PXDNL: variants seen among roughly 807,000 people sequenced by gnomAD.
PXDNL encodes peroxidasin like, also known as probable oxidoreductase PXDNL.
PXDNL carries 145 observed loss-of-function variants against 150.8 expected under a neutral mutation model. That is an observed-to-expected ratio of 0.96 (90% CI 0.84 to 1.10). The LOEUF is 1.10. PXDNL is among the 50% of genes least tolerant of loss of function. The probability of loss-of-function intolerance (pLI) is 0.00; values close to 1 mark genes in which losing one functional copy is unlikely to be tolerated. For missense variants in PXDNL, 2,087 were observed against 1,873.9 expected (o/e 1.11, Z -2.10); for synonymous variants, 757 against 725.7 (o/e 1.04, Z -0.69).
chr8:51,339,515 T>TA, intron 21 of PXDNL, 109 bp downstream of exon 21: 1 of 1,156,354 alleles, frequency 8.6e-7, no homozygotes, highest in Non-Finnish European at 1.2e-6. Flanking sequence ...TATAGGTTTT[T>TA]ATTATTCTGA....
chr8:51,513,157 G>C (rs1227053331), intron 4 of PXDNL, among the ~76,000 whole-genome samples: 1 of 152,216 alleles, frequency 6.6e-6, no homozygotes, highest in African/African-American at 2.4e-5. Context: ...GGTTGCAGAG[G>C]GGAGATGAAC....
At chr8:51,678,095 A>G (rs1361238891) in intron 1 of PXDNL, among the ~76,000 whole-genome samples, 1 of 152,254 alleles carries the variant, frequency 6.6e-6, no homozygotes, top group East Asian at 1.9e-4. Context: ...ATGAAGAAGG[A>G]TATCTTTGGA....
chr8:51,648,084 T>C (rs1814961373), intron 2 of PXDNL, among the ~76,000 whole-genome samples: 1 of 152,144 alleles, frequency 6.6e-6, no homozygotes, highest in South Asian at 2.1e-4. Flanking sequence ...AACTCAAAAG[T>C]AGGGTGTCTA....
At chr8:51,728,088 G>A (rs942348135) in intron 1 of PXDNL, among the ~76,000 whole-genome samples, 2 of 152,166 alleles carry the variant, frequency 1.3e-5, no homozygotes, top group Non-Finnish European at 2.9e-5. Flanking sequence ...TGCACTGGTG[G>A]TCCCATAGGA....
At chr8:51,748,838 G>A (rs532544078) in intron 1 of PXDNL, among the ~76,000 whole-genome samples, 3 of 152,230 alleles carry the variant, frequency 2.0e-5, no homozygotes, top group South Asian at 2.1e-4. Context: ...TCAACAGTCC[G>A]AAACAACCTG....
chr8:51,428,937 C>G (rs75216210), intron 12 of PXDNL, among the ~76,000 whole-genome samples: 1 of 19,158 alleles, frequency 5.2e-5, no homozygotes, highest in East Asian at 6.8e-4. Flanking sequence ...TTGCAAACCA[C>G]ATATGCAGAA....
At chr8:51,761,409 T>C (rs539918715) in intron 1 of PXDNL, among the ~76,000 whole-genome samples, 13 of 152,296 alleles carry the variant, frequency 8.5e-5, no homozygotes, top group Admixed American at 6.5e-4. Context: ...ATTTTGAGGA[T>C]TAAATGAGAC....
intron 1 of PXDNL, among the ~76,000 whole-genome samples, chr8:51,708,940 A>AG (rs1310557940): frequency 6.6e-6 from 1 of 151,980 alleles, no homozygotes; most frequent in Admixed American, 6.6e-5. Context: ...ATAATTAGGG[A>AG]GGGGGGCAAT....
intron 1 of PXDNL, among the ~76,000 whole-genome samples, chr8:51,659,005 T>G (rs761675012): frequency 2.0e-5 from 3 of 152,142 alleles, no homozygotes; most frequent in Non-Finnish European, 4.4e-5. Flanking sequence ...AATGTTTGCC[T>G]ATGCTAAATA....
chr8:51,771,236 C>T (rs943358267), intron 1 of PXDNL, among the ~76,000 whole-genome samples: 1 of 152,136 alleles, frequency 6.6e-6, no homozygotes, highest in Non-Finnish European at 1.5e-5. Flanking sequence ...GTTAAGGGAA[C>T]GTTTCAAAAC....
intron 1 of PXDNL, among the ~76,000 whole-genome samples, chr8:51,707,676 T>A (rs550938958): frequency 2.0e-5 from 3 of 152,298 alleles, no homozygotes; most frequent in African/African-American, 7.2e-5. Flanking sequence ...CAAATCCCCA[T>A]TTCCTCCTCC....
intron 10 of PXDNL, among the ~76,000 whole-genome samples, chr8:51,450,263 T>G (rs1415225512): frequency 6.6e-6 from 1 of 152,188 alleles, no homozygotes; most frequent in Non-Finnish European, 1.5e-5. Context: ...TTGGCAGGTT[T>G]TTGCCAGCTC....
chr8:51,483,478 G>T (rs1016236810), intron 6 of PXDNL, among the ~76,000 whole-genome samples, 165 bp downstream of exon 6: 1 of 152,282 alleles, frequency 6.6e-6, no homozygotes, highest in Admixed American at 6.5e-5. Flanking sequence ...AGACTATCTG[G>T]GTTCTCTATC....
At chr8:51,700,649 T>A (rs539740941) in intron 1 of PXDNL, among the ~76,000 whole-genome samples, 1 of 151,620 alleles carries the variant, frequency 6.6e-6, no homozygotes, top group African/African-American at 2.4e-5. Flanking sequence ...TATATGCACA[T>A]GTATACACAC....
At chr8:51,329,773 G>A (rs115347575) in intron 21 of PXDNL, among the ~76,000 whole-genome samples, 4,838 of 152,192 alleles carry the variant, frequency 0.032, 242 homozygotes, top group African/African-American at 0.11. Flanking sequence ...ATCAGTAGAC[G>A]TAATGTATTA....
chr8:51,330,673 A>C (rs942871050), intron 21 of PXDNL, among the ~76,000 whole-genome samples: 20 of 152,194 alleles, frequency 1.3e-4, no homozygotes, highest in African/African-American at 4.8e-4. Context: ...ATTAGAACTC[A>C]ACATGAAAAT....
At chr8:51,732,163 C>T (rs1193857539) in intron 1 of PXDNL, among the ~76,000 whole-genome samples, 2 of 152,280 alleles carry the variant, frequency 1.3e-5, no homozygotes, top group Non-Finnish European at 2.9e-5. Context: ...TTTGTGAATA[C>T]ATAAAACCAA....
At chr8:51,376,542 T>C (rs17263004) in intron 17 of PXDNL, among the ~76,000 whole-genome samples, 300 of 152,310 alleles carry the variant, frequency 2.0e-3, no homozygotes, top group Middle Eastern at 0.014. Flanking sequence ...TCTTGTTACA[T>C]AGCTTTATTT....
intron 17 of PXDNL, among the ~76,000 whole-genome samples, chr8:51,396,362 G>C (rs944889524): frequency 1.3e-5 from 2 of 152,230 alleles, no homozygotes; most frequent in African/African-American, 4.8e-5. Flanking sequence ...TGTCCCCAGA[G>C]GCCTTCCCGA....
Sources: gnomAD v4.1 joint callset for allele counts (sites outside exome capture counted in the v4.1 genomes callset) on GRCh38, gnomAD v4.1.1 for gene constraint, MANE v1.5 for transcripts, NCBI Gene and HGNC (gene_info 2026-07-23, HGNC 2026-07-21) for gene names.